RTCB: variants seen among roughly 807,000 people sequenced by gnomAD.
The protein encoded by RTCB is RNA 2',3'-cyclic phosphate and 5'-OH ligase, also known as RNA-splicing ligase RTCB.
RTCB carries 32 observed loss-of-function variants against 58.2 expected under a neutral mutation model. The observed-to-expected ratio is 0.55, with a 90% confidence interval of 0.41 to 0.74. The LOEUF (loss-of-function observed/expected upper bound fraction) is 0.74. Ranked by LOEUF, RTCB falls within the 30% of genes least tolerant of loss-of-function variation. The pLI, the probability that RTCB is intolerant of heterozygous loss-of-function variation, is 0.00. For synonymous variants in RTCB, 247 were observed against 218.6 expected (o/e 1.13, Z -1.15); for missense variants, 523 against 639.0 (o/e 0.82, Z 1.96).
At position 32,399,816 on chromosome 22, in the gene RTCB, G is replaced by A. The variant is rs1169663574; in HGVS notation, c.498-57C>T. On this transcript the variant is annotated intron_variant, in intron 5 of 11. Transcript: ENST00000216038. ...ACAGCAAAGGCAGATCAAAACCTAA[G>A]GATGACCACATCCTTAAAGGGCAGA... The A allele has an allele frequency of 2.7e-6, 4 of 1,496,394 alleles. No homozygotes were observed. The African/African-American group carries it at 5.5e-5, about 21-fold the overall frequency. The allele number at this position is 1,496,394 out of a possible 1,614,324, so 92.7% of individuals were successfully genotyped here.
Position 32,409,842 on chromosome 22 carries a change from G to C in RTCB, c.94-1009C>G, listed in dbSNP as rs146705529. 3.9e-3 allele frequency among the ~76,000 whole-genome samples: 581 copies of C among 147,454 alleles called. 7 individuals carry two copies. Among genetic ancestry groups the C allele is most frequent in the African/African-American group, 0.014 (554 of 39,292 alleles). On this transcript the variant is annotated intron_variant, in intron 1 of 11. Transcript: ENST00000216038. ...ACTTTTGTTTTTTTTTTTTGAGACT[G>C]AGTCTTGCTCTGTCACCCAGGCTGG...
intron 4 of RTCB, among the ~76,000 whole-genome samples, chr22:32,403,120 A>C (rs897724606): frequency 6.6e-6 from 1 of 152,020 alleles, no homozygotes; most frequent in Non-Finnish European, 1.5e-5. Context: ...AAAACTGTAT[A>C]TATTGGCAGG....
At chr22:32,392,942 T>C (rs1933180771) in intron 10 of RTCB, among the ~76,000 whole-genome samples, 1 of 152,106 alleles carries the variant, frequency 6.6e-6, no homozygotes, top group African/African-American at 2.4e-5. Context: ...TAAAATAAAC[T>C]ATTTTGTTTT....
chr22:32,388,142 C>T (rs1933088802), intron 11 of RTCB, 43 bp from the exon 12 acceptor site: 1 of 1,235,218 alleles, frequency 8.1e-7, no homozygotes. Flanking sequence ...CCACTGAAAA[C>T]ACAGTCTTTA....
intron 6 of RTCB, among the ~76,000 whole-genome samples, chr22:32,399,397 G>A (rs920543458): frequency 6.6e-6 from 1 of 151,704 alleles, no homozygotes; most frequent in Non-Finnish European, 1.5e-5. Context: ...TTCCTCCTTG[G>A]CCTCTCAAAG....
At chr22:32,403,905 AT>A (rs1230300269) in intron 4 of RTCB, among the ~76,000 whole-genome samples, 2 of 152,188 alleles carry the variant, frequency 1.3e-5, no homozygotes, top group Non-Finnish European at 2.9e-5. Flanking sequence ...ACATTTTTAG[AT>A]TGCACATATG....
intron 4 of RTCB, among the ~76,000 whole-genome samples, chr22:32,406,367 G>C (rs1933419883): frequency 2.0e-5 from 3 of 152,020 alleles, no homozygotes; most frequent in Admixed American, 1.3e-4. Context: ...TCTGTCACCA[G>C]GCTGGAGTAC....
chr22:32,404,868 T>TA (rs1933394946), intron 4 of RTCB, among the ~76,000 whole-genome samples: 1 of 151,038 alleles, frequency 6.6e-6, no homozygotes, highest in Non-Finnish European at 1.5e-5. Flanking sequence ...TTTTTTTTTT[T>TA]AGAGACGGGG....
At chr22:32,397,285 G>A (rs773206802) in intron 7 of RTCB, among the ~76,000 whole-genome samples, 1 of 152,148 alleles carries the variant, frequency 6.6e-6, no homozygotes, top group South Asian at 2.1e-4. Context: ...ATATTTCGCT[G>A]CTTCCTGCTT....
intron 1 of RTCB, among the ~76,000 whole-genome samples, chr22:32,410,227 A>G (rs1933497162): frequency 6.6e-6 from 1 of 152,196 alleles, no homozygotes; most frequent in East Asian, 1.9e-4. Flanking sequence ...TCAACAGTCT[A>G]GGGAGCTGGG....
intron 5 of RTCB, among the ~76,000 whole-genome samples, chr22:32,400,601 G>A (rs2145894338): frequency 6.6e-6 from 1 of 152,332 alleles, no homozygotes; most frequent in Non-Finnish European, 1.5e-5. Context: ...TGGAATTTGT[G>A]TGTTCCACGT....
In RTCB at chr22:32,408,135, T is replaced by C. The variant is rs73881697; in HGVS notation, c.240+40A>G. 7.2e-3 allele frequency: 11,364 copies of C among 1,572,804 alleles called. 571 individuals are homozygous for C. In the African/African-American group the frequency reaches 0.12, roughly 17 times the overall value. ...GGCCATTCATCCATTCAATGGACTT[T>C]AAGAAATATAAATGATTAAAGTTCT... On this transcript the variant is annotated intron_variant, in intron 3 of 11. Coordinates refer to ENST00000216038, the MANE Select transcript of RTCB (RefSeq NM_014306.5).
chr22:32,393,149 T>C (rs1168279714), intron 10 of RTCB, among the ~76,000 whole-genome samples: 4 of 152,178 alleles, frequency 2.6e-5, no homozygotes, highest in African/African-American at 9.6e-5. Flanking sequence ...TTGCCCAGTC[T>C]AGTCTTGAAT....
intron 8 of RTCB, among the ~76,000 whole-genome samples, 173 bp downstream of exon 8, chr22:32,395,901 G>A (rs897837538): frequency 4.0e-5 from 6 of 151,148 alleles, no homozygotes; most frequent in Admixed American, 2.0e-4. Flanking sequence ...GGGTTTCACC[G>A]TGTTAGCCAG....
At chr22:32,405,690 TCAAA>T (rs1933407391) in intron 4 of RTCB, among the ~76,000 whole-genome samples, 1 of 152,194 alleles carries the variant, frequency 6.6e-6, no homozygotes, top group Admixed American at 6.5e-5. Flanking sequence ...TTCTGTGCCT[TCAAA>T]CAGATTTAAG....
At chr22:32,396,381 A>C (rs1933247477) in intron 7 of RTCB, 132 bp from the exon 8 acceptor site, 2 of 867,306 alleles carry the variant, frequency 2.3e-6, no homozygotes, top group Non-Finnish European at 3.5e-6. Context: ...CTTTCCCTTT[A>C]ATGTGTTTCT....
chr22:32,409,553 G>A (rs577891032), intron 1 of RTCB, among the ~76,000 whole-genome samples: 31 of 149,934 alleles, frequency 2.1e-4, no homozygotes, highest in South Asian at 1.0e-3. Context: ...TCCAGTAATG[G>A]AGAACCAAAG....
chr22:32,406,897 T>A (rs374951355), intron 3 of RTCB, 136 bp from the exon 4 acceptor site: 5 of 580,104 alleles, frequency 8.6e-6, no homozygotes, highest in African/African-American at 7.4e-5. Context: ...TCACAAAATC[T>A]TCTATATGCA....
intron 4 of RTCB, among the ~76,000 whole-genome samples, chr22:32,403,182 G>A (rs532934443): frequency 3.6e-4 from 55 of 152,076 alleles, no homozygotes; most frequent in Admixed American, 1.2e-3. Context: ...CGAGGCGGGC[G>A]GATCATGAGG....
Sources: allele counts gnomAD v4.1 joint callset (sites outside exome capture counted in the v4.1 genomes callset), GRCh38; gene constraint gnomAD v4.1.1; transcripts MANE v1.5; gene names NCBI Gene and HGNC (gene_info 2026-07-23, HGNC 2026-07-21).